The following DENND4B variants were observed in gnomAD, a reference collection of about 807,000 sequenced individuals.
The protein encoded by DENND4B is DENN domain containing 4B, also known as DENN domain-containing protein 4B.
Under a neutral mutation model 161.0 loss-of-function variants are expected in DENND4B, and 67 were observed. The ratio of observed to expected loss-of-function variants is 0.42; its 90% CI spans 0.34 to 0.51. The LOEUF is 0.51. Among genes scored for constraint, DENND4B ranks in the 20% least tolerant of loss-of-function variants. DENND4B has a pLI of 0.08. For missense variants in DENND4B, 1,481 were observed against 1,968.0 expected (o/e 0.75, Z 4.68); for synonymous variants, 753 against 813.8 (o/e 0.93, Z 1.27).
At position 153,934,734 on chromosome 1, in the gene DENND4B, A is replaced by C. The variant is rs539994432; in HGVS notation, c.2773+26T>G. 1.3e-6 allele frequency: 2 copies of C among 1,598,660 alleles called. No homozygotes were observed. The highest frequency in any genetic ancestry group is 1.3e-5 in the African/African-American group (1 of 74,752). On this transcript the variant is annotated intron_variant, in intron 18 of 27. Transcript: ENST00000361217. The surrounding 1 kb of genome is among the most constrained non-coding windows in gnomAD (Gnocchi z 5.3). The stretch of plus-strand genomic sequence containing the variant: ...CCTGAGCCCAGCTACTCCATCCCCA[A>C]GCCTGTCTCACCAGGCCCTACCCAC...
intron 17 of DENND4B, 153 bp from the exon 18 acceptor site, chr1:153,935,117 C>G (rs1009742566): frequency 5.6e-6 from 8 of 1,424,378 alleles, no homozygotes; most frequent in Middle Eastern, 4.3e-4. Flanking sequence ...GAACAAGAGC[C>G]CAGAAGAGAC....
At chr1:153,943,155 T>C (rs1571058842) in intron 2 of DENND4B, 25 bp from the exon 3 acceptor site, 1 of 1,598,260 alleles carries the variant, frequency 6.3e-7, no homozygotes, top group Non-Finnish European at 8.6e-7. Context: ...CAAAGATAGA[T>C]GTTGAGAGGT....
chr1:153,932,456 G>A lies in DENND4B; in HGVS notation c.3760-16C>T, dbSNP rs753727203. 13 of 1,594,008 alleles carry A rather than the reference G, an allele frequency of 8.2e-6. No individual in the cohort carries two copies. The Admixed American group carries it at 1.6e-4, about 20-fold the overall frequency. On this transcript the variant is annotated splice_polypyrimidine_tract_variant and intron_variant, in intron 23 of 27. Transcript: ENST00000361217. This position sits in a 1 kb window ranked among gnomAD's most constrained non-coding sequence, Gnocchi z 5.8. ...GGGAGGCTCCCTATCAGGCACAAAGGGGGAGGGCAGTAGAGGGCATGTACA... is the reference window on the plus strand; with the variant it reads ...GGGAGGCTCCCTATCAGGCACAAAGAGGGAGGGCAGTAGAGGGCATGTACA...
Position 153,937,348 on chromosome 1 carries a change from A to G in DENND4B, c.2232+140T>C. On this transcript the variant is annotated intron_variant, in intron 15 of 27. Coordinates refer to ENST00000361217, the MANE Select transcript of DENND4B (RefSeq NM_014856.3). This position sits in a 1 kb window ranked among gnomAD's most constrained non-coding sequence, Gnocchi z 4.7. ...AACTAATGTTTATACAGGGTTGCTTATGTGCCAAGCACATTTAAACTCCTA... is the reference window on the plus strand; with the variant it reads ...AACTAATGTTTATACAGGGTTGCTTGTGTGCCAAGCACATTTAAACTCCTA... 7.9e-7 allele frequency: 1 copy of G among 1,260,556 alleles called. No homozygotes were observed. Among genetic ancestry groups the G allele is most frequent in the Non-Finnish European group, 1.1e-6 (1 of 950,176 alleles). 78.1% of individuals were successfully genotyped at this position (1,260,556 alleles called of 1,614,324 possible).
chr1:153,939,847 G>C (rs781409392), intron 11 of DENND4B, 43 bp from the exon 12 acceptor site: 1 of 1,589,328 alleles, frequency 6.3e-7, no homozygotes, highest in South Asian at 1.1e-5. Context: ...GGCTCCCATA[G>C]TGTTACCCTC....
chr1:153,938,516 C>T (rs1442673749), intron 13 of DENND4B, among the ~76,000 whole-genome samples: 2 of 150,830 alleles, frequency 1.3e-5, no homozygotes, highest in African/African-American at 4.9e-5. Flanking sequence ...TCCTGGCTAA[C>T]ACAGTGAAAC....
Position 153,946,381 on chromosome 1 carries a change from A to C in DENND4B, c.-104T>G. 2 of 380,892 alleles carry C rather than the reference A, an allele frequency of 5.3e-6. No homozygotes were observed. The highest frequency in any genetic ancestry group is 9.3e-6 in the Non-Finnish European group (2 of 214,582). 23.6% of individuals were successfully genotyped at this position (380,892 alleles called of 1,614,324 possible). ...TGGCGGGCCGGCGGGCGGCGGGGCT[A>C]CCCGGCCCCAGACATGGCGCACCCG... On this transcript the variant is annotated 5_prime_UTR_variant, in exon 1 of 28. The change abolishes the stop of an existing upstream ORF in the 5' untranslated region. Coordinates refer to ENST00000361217, the MANE Select transcript of DENND4B (RefSeq NM_014856.3). The surrounding 1 kb of genome is among the most constrained non-coding windows in gnomAD (Gnocchi z 6.3).
chr1:153,935,916 A>C, intron 17 of DENND4B, 144 bp downstream of exon 17: 1 of 1,021,600 alleles, frequency 9.8e-7, no homozygotes, highest in East Asian at 2.7e-5. Flanking sequence ...AAGGCACCAC[A>C]GGAGTGCAAT....
intron 11 of DENND4B, 54 bp from the exon 12 acceptor site, chr1:153,939,858 A>C: frequency 1.3e-6 from 2 of 1,555,604 alleles, no homozygotes; most frequent in Non-Finnish European, 1.8e-6. Flanking sequence ...TGTTACCCTC[A>C]ACTCTGCTCT....
chr1:153,946,520 G>T lies in DENND4B; in HGVS notation c.-243C>A. 2.6e-6 allele frequency: 1 copy of T among 389,970 alleles called. No homozygotes were observed. Among genetic ancestry groups the T allele is most frequent in the Non-Finnish European group, 4.5e-6 (1 of 220,336 alleles). 24.2% of individuals were successfully genotyped at this position (389,970 alleles called of 1,614,324 possible). A position where few individuals can be genotyped will look rare whatever the true frequency, so the allele number is the denominator to read the frequency against. On this transcript the variant is annotated 5_prime_UTR_variant, in exon 1 of 28. Coordinates refer to ENST00000361217, the MANE Select transcript of DENND4B (RefSeq NM_014856.3). This position sits in a 1 kb window ranked among gnomAD's most constrained non-coding sequence, Gnocchi z 6.3. Reference sequence around the variant, plus strand: ...CGGGCGGTCCCCGCGTCCCCGCCGCGCTGCGCCACGCGGGGACTGTGCTGC... The same window carrying T: ...CGGGCGGTCCCCGCGTCCCCGCCGCTCTGCGCCACGCGGGGACTGTGCTGC...
intron 1 of DENND4B, chr1:153,945,216 TG>T: frequency 7.8e-7 from 1 of 1,276,124 alleles, no homozygotes. Flanking sequence ...GGAAAAAGCC[TG>T]GTGGGTAGCT....
chr1:153,935,924 A>C, intron 17 of DENND4B, 136 bp downstream of exon 17: 3 of 1,107,690 alleles, frequency 2.7e-6, no homozygotes, highest in Non-Finnish European at 3.9e-6. Flanking sequence ...ACAGGAGTGC[A>C]ATGTGGATGA....
Position 153,946,206 on chromosome 1 carries a change from A to G in DENND4B, c.-24+95T>C. On this transcript the variant is annotated intron_variant, in intron 1 of 27. Coordinates refer to ENST00000361217, the MANE Select transcript of DENND4B (RefSeq NM_014856.3). The surrounding 1 kb of genome is among the most constrained non-coding windows in gnomAD (Gnocchi z 6.3). Reference sequence around the variant, plus strand: ...ACCGGAACCAGATGTGCAGTGAGGGACAGCAGCTGGGGGCCATCCCCCACC... The same window carrying G: ...ACCGGAACCAGATGTGCAGTGAGGGGCAGCAGCTGGGGGCCATCCCCCACC... 1 of 316,098 alleles carries G rather than the reference A, an allele frequency of 3.2e-6. No individual in the cohort carries two copies. Among genetic ancestry groups the G allele is most frequent in the Non-Finnish European group, 5.8e-6 (1 of 173,578 alleles). The allele number at this position is 316,098 out of a possible 1,614,324, so 19.6% of individuals were successfully genotyped here.
chr1:153,932,689 G>A lies in DENND4B; in HGVS notation c.3712C>T (p.Leu1238Phe). The A allele has an allele frequency of 6.2e-7, 1 of 1,614,070 alleles. No homozygotes were observed. Among genetic ancestry groups the A allele is most frequent in the Non-Finnish European group, 8.5e-7 (1 of 1,179,902 alleles). ...GPGPVLSDRR[L>F]CLALDEPQLC... ...TGGGGCTCATCCAGAGCAAGGCAGA[G>A]CCTTCGGTCACTGAGCACAGGGCCA... is the stretch of plus-strand genomic sequence containing the variant. Residue 1238 changes from leucine (L) to phenylalanine (F), a missense_variant, in exon 23 of 28, where the codon CTC becomes TTC. Physicochemically the swap from Leu to Phe is conservative, Grantham distance 22. Around this residue, in one of 3 missense-constraint regions of DENND4B, gnomAD observed 336 missense variants for 503.3 expected, o/e 0.67. Coordinates refer to ENST00000361217, the MANE Select transcript of DENND4B (RefSeq NM_014856.3). The surrounding 1 kb of genome is among the most constrained non-coding windows in gnomAD (Gnocchi z 5.8).
Position 153,933,192 on chromosome 1 carries a change from C to G in DENND4B, c.3453+5G>C. On this transcript the variant is annotated splice_donor_5th_base_variant and intron_variant, in intron 21 of 27. Coordinates refer to ENST00000361217, the MANE Select transcript of DENND4B (RefSeq NM_014856.3). The surrounding 1 kb of genome is among the most constrained non-coding windows in gnomAD (Gnocchi z 5.7). The stretch of plus-strand genomic sequence containing the variant: ...GCACATCTGTGTGGGAGGGGTTATC[C>G]TCACTTCCAGGGAAGGTGACTGGAA... 6.2e-7 allele frequency: 1 copy of G among 1,612,868 alleles called. No homozygotes were observed. Among genetic ancestry groups the G allele is most frequent in the South Asian group, 1.1e-5 (1 of 90,844 alleles).
chr1:153,941,774 A>AGGGGGGC, intron 6 of DENND4B, 95 bp downstream of exon 6: 2 of 618,134 alleles, frequency 3.2e-6, no homozygotes, highest in Non-Finnish European at 5.6e-6. Context: ...CCCTGTGCCC[A>AGGGGGGC]GCCCTCCCCC....
chr1:153,937,923 T>C lies in DENND4B; in HGVS notation c.1966-60A>G. 6.2e-7 allele frequency: 1 copy of C among 1,604,920 alleles called. No homozygotes were observed. On this transcript the variant is annotated intron_variant, in intron 13 of 27. Coordinates refer to ENST00000361217, the MANE Select transcript of DENND4B (RefSeq NM_014856.3). This position sits in a 1 kb window ranked among gnomAD's most constrained non-coding sequence, Gnocchi z 4.7. Reference sequence around the variant, plus strand: ...TGGTGGGCATGGAGCAGAGCCAGGGTGTCTAGACGATGGCATCTCCCAGGA... The same window carrying C: ...TGGTGGGCATGGAGCAGAGCCAGGGCGTCTAGACGATGGCATCTCCCAGGA...
chr1:153,940,637 C>T lies in DENND4B; in HGVS notation c.1327-31G>A, dbSNP rs201741289. The T allele has an allele frequency of 1.9e-5, 31 of 1,602,936 alleles. No homozygotes were observed. In the East Asian group the frequency reaches 7.0e-4, roughly 36 times the overall value. On this transcript the variant is annotated intron_variant, in intron 9 of 27. Coordinates refer to ENST00000361217, the MANE Select transcript of DENND4B (RefSeq NM_014856.3). The surrounding 1 kb of genome is among the most constrained non-coding windows in gnomAD (Gnocchi z 5.6). ...GCACCAGGCAGTGAGAACCAGTGAA[C>T]AGGGGGTTGAGGCAGCAGTGGGAGG...
rs1042617400 is a variant in DENND4B at position 153,936,355 on chromosome 1, C to T, written c.2440-167G>A. Among the ~76,000 whole-genome samples the T allele has an allele frequency of 3.3e-5, 5 of 152,224 alleles. No individual in the cohort carries two copies. The highest frequency in any genetic ancestry group is 2.0e-4 in the Admixed American group (3 of 15,286). ...CACCCTTTCTGCTGACCCTGCCACCCTACAGTCTTCACTGCTAAACCCTGA... is the reference window on the plus strand; with the variant it reads ...CACCCTTTCTGCTGACCCTGCCACCTTACAGTCTTCACTGCTAAACCCTGA... On this transcript the variant is annotated intron_variant, in intron 16 of 27. Transcript: ENST00000361217. The surrounding 1 kb of genome is among the most constrained non-coding windows in gnomAD (Gnocchi z 4.1).
Sources: allele counts gnomAD v4.1 joint callset (sites outside exome capture counted in the v4.1 genomes callset), GRCh38; gene constraint gnomAD v4.1.1; regional missense constraint gnomAD v4.1.1; non-coding constraint Gnocchi (gnomAD v3.1); transcripts MANE v1.5; gene names NCBI Gene and HGNC (gene_info 2026-07-23, HGNC 2026-07-21).